The following ABCA1 variants were observed in gnomAD, a reference collection of about 807,000 sequenced individuals.
ABCA1 encodes ATP binding cassette subfamily A member 1.
Under a neutral mutation model 262.5 loss-of-function variants are expected in ABCA1, and 133 were observed. The ratio of observed to expected loss-of-function variants is 0.51; its 90% CI spans 0.44 to 0.59. The LOEUF is 0.59. Ranked by LOEUF, ABCA1 falls within the 20% of genes least tolerant of loss-of-function variation. ABCA1 has a pLI of 0.00. For missense variants in ABCA1, 2,452 were observed against 2,777.5 expected (o/e 0.88, Z 2.63); for synonymous variants, 1,022 against 1,043.5 (o/e 0.98, Z 0.40).
At chr9:104,865,649 A>AC (rs1369757244) in intron 5 of ABCA1, among the ~76,000 whole-genome samples, 2 of 152,174 alleles carry the variant, frequency 1.3e-5, no homozygotes, top group African/African-American at 4.8e-5. Flanking sequence ...CTCCTGTGAA[A>AC]TAGCTGTGTG....
At chr9:104,819,825 C>T (rs1056895892) in intron 21 of ABCA1, 102 bp from the exon 22 acceptor site, 4 of 1,609,842 alleles carry the variant, frequency 2.5e-6, no homozygotes, top group African/African-American at 2.7e-5. Flanking sequence ...CTGTTACCAA[C>T]CGCACCCAGC....
At chr9:104,831,926 T>C in intron 12 of ABCA1, 99 bp from the exon 13 acceptor site, 1 of 1,043,582 alleles carries the variant, frequency 9.6e-7, no homozygotes, top group South Asian at 1.3e-5. Flanking sequence ...GACTACACGA[T>C]TGCTCATCCT....
chr9:104,791,795 C>T (rs560398048), intron 43 of ABCA1, 141 bp downstream of exon 43: 10 of 767,738 alleles, frequency 1.3e-5, no homozygotes, highest in African/African-American at 1.0e-4. Flanking sequence ...CCTCTCTTCT[C>T]GATGACTAAT....
intron 3 of ABCA1, among the ~76,000 whole-genome samples, chr9:104,886,844 G>A (rs1839220132): frequency 6.6e-6 from 1 of 152,178 alleles, no homozygotes; most frequent in African/African-American, 2.4e-5. Flanking sequence ...TTTGAACTGG[G>A]GAAGATTTAC....
chr9:104,843,108 G>A (rs1834532437), intron 8 of ABCA1, among the ~76,000 whole-genome samples: 2 of 152,106 alleles, frequency 1.3e-5, no homozygotes, highest in South Asian at 2.1e-4. Context: ...TTTAAAAAAA[G>A]CACCTTCTCA....
intron 30 of ABCA1, among the ~76,000 whole-genome samples, chr9:104,806,655 T>C (rs79617159): frequency 1.3e-5 from 2 of 152,140 alleles, no homozygotes; most frequent in African/African-American, 2.4e-5. Context: ...ATAAGTAAAA[T>C]AGAATGCAAA....
chr9:104,794,927 A>C (rs973055354), intron 39 of ABCA1, among the ~76,000 whole-genome samples: 1 of 152,230 alleles, frequency 6.6e-6, no homozygotes, highest in Admixed American at 6.5e-5. Flanking sequence ...ATGATCCCAC[A>C]AGGCAACAGT....
chr9:104,815,294 AG>A (rs1831643230), intron 25 of ABCA1, among the ~76,000 whole-genome samples: 1 of 152,250 alleles, frequency 6.6e-6, no homozygotes, highest in South Asian at 2.1e-4. Flanking sequence ...ACAGACTTCA[AG>A]GCCTCACCTC....
intron 18 of ABCA1, 112 bp from the exon 19 acceptor site, chr9:104,822,779 C>G: frequency 1.6e-6 from 2 of 1,271,404 alleles, no homozygotes; most frequent in Non-Finnish European, 2.3e-6. Flanking sequence ...TCCATGTCCA[C>G]CCTGGTTTCT....
chr9:104,925,704 G>C (rs182532588), intron 1 of ABCA1, among the ~76,000 whole-genome samples: 1 of 152,210 alleles, frequency 6.6e-6, no homozygotes, highest in Admixed American at 6.5e-5. Flanking sequence ...ATTATTTAAT[G>C]GTTTGTGGAA....
At chr9:104,818,258 C>G (rs1831953952) in intron 23 of ABCA1, among the ~76,000 whole-genome samples, 1 of 151,928 alleles carries the variant, frequency 6.6e-6, no homozygotes, top group African/African-American at 2.4e-5. Context: ...GTGTCTCTGG[C>G]ATGAAATCAG....
chr9:104,803,249 CCT>C (rs763635107), intron 33 of ABCA1, 33 bp downstream of exon 33: 162 of 1,611,970 alleles, frequency 1.0e-4, no homozygotes, highest in Middle Eastern at 3.3e-4. Flanking sequence ...CCATCCTCCC[CCT>C]GAGCTAAACG....
At chr9:104,926,563 G>A in intron 1 of ABCA1, among the ~76,000 whole-genome samples, 1 of 151,732 alleles carries the variant, frequency 6.6e-6, no homozygotes, top group East Asian at 1.9e-4. Flanking sequence ...AGTCGGAACC[G>A]CGAGCAAAGA....
At chr9:104,842,185 T>C (rs1834437410) in intron 8 of ABCA1, among the ~76,000 whole-genome samples, 2 of 152,178 alleles carry the variant, frequency 1.3e-5, no homozygotes, top group South Asian at 4.1e-4. Flanking sequence ...ACAAGGATTT[T>C]TTTTCTCCAG....
intron 7 of ABCA1, among the ~76,000 whole-genome samples, chr9:104,847,484 T>C (rs960418058): frequency 1.3e-5 from 2 of 152,238 alleles, no homozygotes; most frequent in African/African-American, 4.8e-5. Context: ...GCCTTTTTCT[T>C]CCCTTGCATG....
chr9:104,856,115 A>G (rs763839789), intron 7 of ABCA1: 41 of 1,566,296 alleles, frequency 2.6e-5, no homozygotes, highest in Admixed American at 7.3e-5. Context: ...TGAAATTTCA[A>G]CCAAGCAGCA....
chr9:104,784,536 T>A, intron 49 of ABCA1, 81 bp from the exon 50 acceptor site: 1 of 1,547,662 alleles, frequency 6.5e-7, no homozygotes, highest in Non-Finnish European at 8.9e-7. Flanking sequence ...TTCCAGATGT[T>A]GAAATTAGGT....
At chr9:104,913,414 C>T (rs947492651) in intron 1 of ABCA1, among the ~76,000 whole-genome samples, 1 of 152,202 alleles carries the variant, frequency 6.6e-6, no homozygotes, top group East Asian at 1.9e-4. Context: ...GTATGTAAAA[C>T]ATTTATCCAG....
intron 49 of ABCA1, 96 bp from the exon 50 acceptor site, chr9:104,784,551 T>C: frequency 1.4e-6 from 2 of 1,432,962 alleles, no homozygotes; most frequent in Non-Finnish European, 1.9e-6. Context: ...TTAGGTCAAG[T>C]AGGAGCATAC....
Sources: allele counts gnomAD v4.1 joint callset (sites outside exome capture counted in the v4.1 genomes callset), GRCh38; gene constraint gnomAD v4.1.1; transcripts MANE v1.5; gene names NCBI Gene and HGNC (gene_info 2026-07-23, HGNC 2026-07-21).